ST8SIA6: variants seen among roughly 807,000 people sequenced by gnomAD.
The protein encoded by ST8SIA6 is alpha-2,8-sialyltransferase 8F.
In ST8SIA6, 39 loss-of-function variants were observed where a neutral mutation model predicts 33.6. That is an observed-to-expected ratio of 1.16 (90% CI 0.90 to 1.52). The LOEUF (loss-of-function observed/expected upper bound fraction) is 1.52. ST8SIA6 is among the 40% of genes most tolerant of loss of function. ST8SIA6 has a pLI of 0.00. For missense variants in ST8SIA6, 441 were observed against 443.8 expected, an observed-to-expected ratio of 0.99 and a Z score of 0.06; for synonymous variants, 172 against 167.2, an observed-to-expected ratio of 1.03 and a Z score of -0.22.
At chr10:17,343,983 C>A (rs1848756609) in intron 4 of ST8SIA6, among the ~76,000 whole-genome samples, 1 of 152,100 alleles carries the variant, frequency 6.6e-6, no homozygotes, top group Admixed American at 6.6e-5. Flanking sequence ...ATTATCATCC[C>A]TGTTGTTGTC....
chr10:17,348,270 T>A (rs957350898), intron 4 of ST8SIA6, among the ~76,000 whole-genome samples: 1 of 149,560 alleles, frequency 6.7e-6, no homozygotes, highest in Admixed American at 6.7e-5. Context: ...AGAGCCTGAA[T>A]TAACACTGAA....
intron 3 of ST8SIA6, among the ~76,000 whole-genome samples, chr10:17,373,597 A>G (rs1849803203): frequency 6.6e-6 from 1 of 152,098 alleles, no homozygotes. Flanking sequence ...GGTCTTTTGG[A>G]TGACAGTCAC....
intron 4 of ST8SIA6, among the ~76,000 whole-genome samples, chr10:17,334,847 G>A (rs961934730): frequency 1.3e-5 from 2 of 152,068 alleles, no homozygotes; most frequent in Non-Finnish European, 2.9e-5. Context: ...CCAACCTCTG[G>A]CAAGTGCATG....
At chr10:17,406,229 A>G (rs566985675) in intron 2 of ST8SIA6, among the ~76,000 whole-genome samples, 4 of 152,052 alleles carry the variant, frequency 2.6e-5, no homozygotes, top group Non-Finnish European at 4.4e-5. Context: ...AAGGTCTTCT[A>G]CCCTCCCCCT....
chr10:17,362,979 G>T (rs1415738019), intron 3 of ST8SIA6, among the ~76,000 whole-genome samples: 1 of 152,044 alleles, frequency 6.6e-6, no homozygotes, highest in Non-Finnish European at 1.5e-5. Flanking sequence ...CAAAGTGCTG[G>T]GATTACAGGC....
intron 4 of ST8SIA6, among the ~76,000 whole-genome samples, chr10:17,354,510 A>C (rs1849132919): frequency 6.6e-6 from 1 of 152,232 alleles, no homozygotes; most frequent in South Asian, 2.1e-4. Flanking sequence ...TACACCTAAA[A>C]GAAATTAGAT....
chr10:17,335,148 G>C (rs952730247), intron 4 of ST8SIA6, among the ~76,000 whole-genome samples: 1 of 152,118 alleles, frequency 6.6e-6, no homozygotes, highest in African/African-American at 2.4e-5. Flanking sequence ...TTTCCTCATA[G>C]GACCAGTTTT....
At chr10:17,356,818 A>G (rs1431803736) in intron 4 of ST8SIA6, among the ~76,000 whole-genome samples, 1 of 152,166 alleles carries the variant, frequency 6.6e-6, no homozygotes, top group Non-Finnish European at 1.5e-5. Context: ...TCCATGGACC[A>G]GCCATCTATA....
chr10:17,425,168 T>TTATA (rs746624007), intron 2 of ST8SIA6, among the ~76,000 whole-genome samples: 1 of 152,012 alleles, frequency 6.6e-6, no homozygotes, highest in African/African-American at 2.4e-5. Context: ...TACGTATATT[T>TTATA]TATATATATA....
rs374780174 is a variant in ST8SIA6, at chr10:17,403,209, G to A, written c.201-12589C>T. Among the ~76,000 whole-genome samples, 6 of 152,344 alleles carry A rather than the reference G, an allele frequency of 3.9e-5. No individual in the cohort carries two copies. The East Asian group carries it at 5.8e-4, about 15-fold the overall frequency. On this transcript the variant is annotated intron_variant, in intron 2 of 7. Coordinates refer to ENST00000377602, the MANE Select transcript of ST8SIA6 (RefSeq NM_001004470.3). ...TTGGCTTGCCTCAGTTGCCTGAAGT[G>A]GGAGTTATCAAAAGGACAGATTTGA...
chr10:17,316,330 G>A lies in ST8SIA6; in HGVS notation c.*4548C>T, dbSNP rs1200381978. Among the ~76,000 whole-genome samples the A allele has an allele frequency of 6.6e-6, 1 of 151,994 alleles. No individual in the cohort carries two copies. The highest frequency in any genetic ancestry group is 2.4e-5 in the African/African-American group (1 of 41,396). On this transcript the variant is annotated 3_prime_UTR_variant, in exon 8 of 8. Coordinates refer to ENST00000377602, the MANE Select transcript of ST8SIA6 (RefSeq NM_001004470.3). The stretch of plus-strand genomic sequence containing the variant: ...GACATACCCTTATTTCTGTATATAT[G>A]TCCAGTAAGTTGCTTCTAACTGCTG...
intron 2 of ST8SIA6, among the ~76,000 whole-genome samples, chr10:17,432,423 C>G (rs1188128154): frequency 1.3e-5 from 2 of 152,166 alleles, no homozygotes; most frequent in Non-Finnish European, 2.9e-5. Context: ...TTCCACCCCA[C>G]GCATTTGCCG....
intron 4 of ST8SIA6, among the ~76,000 whole-genome samples, chr10:17,352,641 A>T (rs1849072013): frequency 6.6e-6 from 1 of 152,168 alleles, no homozygotes; most frequent in African/African-American, 2.4e-5. Flanking sequence ...TTGAAGTAGA[A>T]TTTAGAAGAC....
chr10:17,320,809 G>T lies in ST8SIA6; in HGVS notation c.*69C>A. 4 of 1,511,438 alleles carry T rather than the reference G, an allele frequency of 2.6e-6. No individual in the cohort carries two copies. The highest frequency in any genetic ancestry group is 3.6e-6 in the Non-Finnish European group (4 of 1,103,494). 93.6% of individuals were successfully genotyped at this position (1,511,438 alleles called of 1,614,324 possible). ...AAAATACTCTTTAGCCACCTCCTTTGGTGTTTGGAGACATTGTTAATCACC... is the reference window on the plus strand; with the variant it reads ...AAAATACTCTTTAGCCACCTCCTTTTGTGTTTGGAGACATTGTTAATCACC... On this transcript the variant is annotated 3_prime_UTR_variant, in exon 8 of 8. Coordinates refer to ENST00000377602, the MANE Select transcript of ST8SIA6 (RefSeq NM_001004470.3).
At chr10:17,433,140 C>G (rs973401903) in intron 2 of ST8SIA6, among the ~76,000 whole-genome samples, 6 of 152,152 alleles carry the variant, frequency 3.9e-5, no homozygotes, top group African/African-American at 1.4e-4. Flanking sequence ...CAGGTCACAT[C>G]CCAACTTCTC....
intron 3 of ST8SIA6, among the ~76,000 whole-genome samples, chr10:17,386,326 T>TCGATCACAAGGTCAGGAGCC (rs1850346065): frequency 6.6e-6 from 1 of 151,164 alleles, no homozygotes; most frequent in South Asian, 2.1e-4. Context: ...GGTCAGGAGC[T>TCGATCACAAGGTCAGGAGCC]CGATCACAAG....
chr10:17,377,114 C>T (rs964828292), intron 3 of ST8SIA6, among the ~76,000 whole-genome samples: 1 of 152,126 alleles, frequency 6.6e-6, no homozygotes, highest in Non-Finnish European at 1.5e-5. Flanking sequence ...TGATTTGTTC[C>T]TGCCCCACCC....
intron 4 of ST8SIA6, among the ~76,000 whole-genome samples, chr10:17,353,207 AC>A (rs397897485): frequency 1.3e-3 from 116 of 91,960 alleles, no homozygotes; most frequent in African/African-American, 5.0e-3. Context: ...CAAAACACTT[AC>A]CAAAGTCAGA....
At chr10:17,431,702 C>A (rs1852106983) in intron 2 of ST8SIA6, among the ~76,000 whole-genome samples, 3 of 149,624 alleles carry the variant, frequency 2.0e-5, no homozygotes, top group African/African-American at 7.4e-5. Flanking sequence ...AGGCAAATCA[C>A]TGCAATTTCT....
Sources: gnomAD v4.1 joint callset for allele counts (sites outside exome capture counted in the v4.1 genomes callset) on GRCh38, gnomAD v4.1.1 for gene constraint, MANE v1.5 for transcripts, NCBI Gene and HGNC (gene_info 2026-07-23, HGNC 2026-07-21) for gene names.